Variants in WDR20 observed in about 807,000 individuals in gnomAD.
WDR20 encodes WD repeat-containing protein 20.
Under a neutral mutation model 38.7 loss-of-function variants are expected in WDR20, and 3 were observed. The ratio of observed to expected loss-of-function variants is 0.08; its 90% CI spans 0.04 to 0.20. The LOEUF is 0.20. Among genes scored for constraint, WDR20 ranks in the 10% least tolerant of loss-of-function variants. WDR20 has a pLI of 1.00. For missense variants in WDR20, 559 were observed against 727.7 expected (o/e 0.77, Z 2.67); for synonymous variants, 298 against 285.6 (o/e 1.04, Z -0.44).
At chr14:102,174,063 T>G (rs1301664319) in intron 1 of WDR20, among the ~76,000 whole-genome samples, 1 of 150,422 alleles carries the variant, frequency 6.6e-6, no homozygotes, top group African/African-American at 2.4e-5. Flanking sequence ...AAAAAAAGAA[T>G]AATGGTCTCC....
intron 2 of WDR20, among the ~76,000 whole-genome samples, chr14:102,206,592 T>A (rs2061576720): frequency 1.3e-5 from 2 of 152,116 alleles, no homozygotes; most frequent in African/African-American, 4.8e-5. Flanking sequence ...TTGGTTCTGG[T>A]GAAATGTAAG....
chr14:102,187,059 C>T (rs1306114042), intron 1 of WDR20, among the ~76,000 whole-genome samples: 1 of 151,992 alleles, frequency 6.6e-6, no homozygotes. Flanking sequence ...CACTTCTTTT[C>T]TAGTAGGTGA....
intron 1 of WDR20, among the ~76,000 whole-genome samples, chr14:102,165,626 C>A (rs953317495): frequency 3.5e-5 from 5 of 144,294 alleles, no homozygotes; most frequent in African/African-American, 1.0e-4. Context: ...GTTTCTTTTT[C>A]TTTTCTTTTC....
chr14:102,193,339 C>T (rs974370085), intron 1 of WDR20: 7 of 947,066 alleles, frequency 7.4e-6, no homozygotes, highest in Admixed American at 2.1e-5. Flanking sequence ...GTACAGCGGC[C>T]GCTCCCCTCC....
At chr14:102,187,224 C>A (rs979294278) in intron 1 of WDR20, among the ~76,000 whole-genome samples, 8 of 152,196 alleles carry the variant, frequency 5.3e-5, no homozygotes, top group African/African-American at 1.4e-4. Context: ...TCAGACTGCT[C>A]CAGCTAGTTT....
At position 102,140,151 on chromosome 14, in the gene WDR20, T is replaced by C. The variant is rs1055669668; in HGVS notation, c.228T>C (p.Tyr76=). The change falls in exon 1 of 3, where the codon TAT becomes TAC. Residue 76 remains tyrosine (Y), a synonymous_variant. Coordinates refer to ENST00000342702, the MANE Select transcript of WDR20 (RefSeq NM_144574.4). ...CFNVGRELYF[Y]IYKGVRKAAD... ...ATGTGGGCCGGGAGCTGTACTTCTATATCTACAAGGGGGTCCGCAAGGTAC... is the reference window on the plus strand; with the variant it reads ...ATGTGGGCCGGGAGCTGTACTTCTACATCTACAAGGGGGTCCGCAAGGTAC... 3.1e-6 allele frequency: 5 copies of C among 1,613,338 alleles called. No individual in the cohort carries two copies. The highest frequency in any genetic ancestry group is 4.2e-6 in the Non-Finnish European group (5 of 1,180,002).
chr14:102,150,154 A>G (rs1393476237), intron 1 of WDR20, among the ~76,000 whole-genome samples: 2 of 152,160 alleles, frequency 1.3e-5, no homozygotes, highest in Non-Finnish European at 2.9e-5. Context: ...ATGAGGAAGG[A>G]ATTTATAAGG....
downstream of WDR20, among the ~76,000 whole-genome samples, chr14:102,215,557 A>G (rs2153045362): frequency 1.3e-5 from 2 of 152,202 alleles, no homozygotes; most frequent in Non-Finnish European, 2.9e-5. Context: ...GCGCCCATCA[A>G]CCCGTCATCT....
chr14:102,164,124 T>TA (rs1242106511), intron 1 of WDR20, among the ~76,000 whole-genome samples: 2 of 152,266 alleles, frequency 1.3e-5, no homozygotes, highest in Non-Finnish European at 2.9e-5. Context: ...CCCTGACTGA[T>TA]ACACTGGAAG....
intron 1 of WDR20, among the ~76,000 whole-genome samples, chr14:102,146,139 G>A (rs1300730946): frequency 6.6e-6 from 1 of 151,898 alleles, no homozygotes; most frequent in Non-Finnish European, 1.5e-5. Context: ...AGGTATTTAT[G>A]CTGGAAGAGT....
At chr14:102,147,166 G>A (rs907507545) in intron 1 of WDR20, among the ~76,000 whole-genome samples, 4 of 152,148 alleles carry the variant, frequency 2.6e-5, no homozygotes, top group African/African-American at 9.7e-5. Flanking sequence ...AGGCTGAGGC[G>A]GGTGGATCAT....
chr14:102,195,218 C>T, intron 2 of WDR20, 98 bp downstream of exon 2: 1 of 1,372,596 alleles, frequency 7.3e-7, no homozygotes, highest in Non-Finnish European at 9.9e-7. Context: ...AAGCTAAGCC[C>T]ATTTTTTATT....
In WDR20 at chr14:102,185,943, G is replaced by A. The variant is rs189814895; in HGVS notation, c.250-8995G>A. ...GTTTCCTTTCTGTGACAGATATTCAGTGATAACCTTCTGTGTGCCAGGCCC... is the reference window on the plus strand; with the variant it reads ...GTTTCCTTTCTGTGACAGATATTCAATGATAACCTTCTGTGTGCCAGGCCC... On this transcript the variant is annotated intron_variant, in intron 1 of 2. Coordinates refer to ENST00000342702, the MANE Select transcript of WDR20 (RefSeq NM_144574.4). Among the ~76,000 whole-genome samples the A allele has an allele frequency of 5.8e-4, 88 of 152,114 alleles. 1 individual carries two copies. The highest frequency in any genetic ancestry group is 2.1e-3 in the African/African-American group (86 of 41,518).
intron 1 of WDR20, chr14:102,157,269 A>C (rs919433111): frequency 2.0e-5 from 3 of 152,174 alleles, no homozygotes; most frequent in Non-Finnish European, 2.9e-5. Context: ...AAAACAACAA[A>C]AAACAGTTGT....
intron 1 of WDR20, among the ~76,000 whole-genome samples, chr14:102,142,442 C>G (rs896563276): frequency 2.6e-5 from 4 of 152,028 alleles, no homozygotes; most frequent in African/African-American, 4.8e-5. Flanking sequence ...TGACAGTTGG[C>G]TATTAAACAT....
downstream of WDR20, among the ~76,000 whole-genome samples, chr14:102,217,868 C>T (rs566628724): frequency 2.6e-5 from 4 of 152,326 alleles, no homozygotes; most frequent in East Asian, 3.9e-4. Context: ...AAAAAGGTGT[C>T]GCTTTGCAAA....
chr14:102,142,494 C>T (rs957039957), intron 1 of WDR20, among the ~76,000 whole-genome samples: 1 of 152,078 alleles, frequency 6.6e-6, no homozygotes, highest in Admixed American at 6.6e-5. Context: ...CATCCTGTTG[C>T]CTAGGCTGGA....
At chr14:102,142,700 C>T (rs2051798699) in intron 1 of WDR20, among the ~76,000 whole-genome samples, 1 of 151,856 alleles carries the variant, frequency 6.6e-6, no homozygotes, top group African/African-American at 2.4e-5. Flanking sequence ...AAGCGATCCT[C>T]CCACCTCAGC....
chr14:102,180,217 A>G (rs1228688266), intron 1 of WDR20, among the ~76,000 whole-genome samples: 1 of 152,210 alleles, frequency 6.6e-6, no homozygotes, highest in Non-Finnish European at 1.5e-5. Flanking sequence ...GATTCTGATC[A>G]CTTTACATAT....
Sources: gnomAD v4.1 joint callset for allele counts (sites outside exome capture counted in the v4.1 genomes callset) on GRCh38, gnomAD v4.1.1 for gene constraint, MANE v1.5 for transcripts, NCBI Gene and HGNC (gene_info 2026-07-23, HGNC 2026-07-21) for gene names.